NPAT: variants seen among roughly 807,000 people sequenced by gnomAD.
NPAT encodes nuclear protein, coactivator of histone transcription, also known as protein NPAT.
NPAT carries 52 observed loss-of-function variants against 130.7 expected under a neutral mutation model. The observed-to-expected ratio is 0.40, with a 90% CI of 0.32 to 0.50. NPAT has a LOEUF of 0.50. Among genes scored for constraint, NPAT ranks in the 20% least tolerant of loss-of-function variants. The pLI is 0.68. For synonymous variants in NPAT, 580 were observed against 584.8 expected (o/e 0.99, Z 0.12); for missense variants, 1,687 against 1,662.6 (o/e 1.01, Z -0.26).
At position 108,161,170 on chromosome 11, in the gene NPAT, C is replaced by A; in HGVS notation, c.3916G>T (p.Val1306Phe). 6.2e-7 allele frequency: 1 copy of A among 1,614,120 alleles called. No individual in the cohort carries two copies. Among genetic ancestry groups the A allele is most frequent in the Non-Finnish European group, 8.5e-7 (1 of 1,180,014 alleles). The change falls in exon 17 of 18, where the codon GTC (valine) becomes TTC (phenylalanine). Residue 1306 changes from valine to phenylalanine, a missense_variant. Physicochemically the swap from Val to Phe is conservative, Grantham distance 50. This residue lies in a region of NPAT where 1,379 missense variants were observed against 1,346.6 expected (regional missense o/e 1.02). Coordinates refer to ENST00000278612, the MANE Select transcript of NPAT (RefSeq NM_002519.3). Reference sequence around the variant, plus strand: ...GGCAAGTCTGGGGTGACAGGAGGGACCATTACTTTTGATGTACTACTGTCT... The same window carrying A: ...GGCAAGTCTGGGGTGACAGGAGGGAACATTACTTTTGATGTACTACTGTCT... ...SEDSSTSKVM[V>F]PPVTPDLPAC...
In NPAT at chr11:108,172,142, A is replaced by C; in HGVS notation, c.2785+57T>G. On this transcript the variant is annotated intron_variant, in intron 13 of 17. Coordinates refer to ENST00000278612, the MANE Select transcript of NPAT (RefSeq NM_002519.3). ...CTTCGCAGTCAATAACATCACATACAAAAGAAATTAGATCCCAACCCAGAG... is the reference window on the plus strand; with the variant it reads ...CTTCGCAGTCAATAACATCACATACCAAAGAAATTAGATCCCAACCCAGAG... The C allele has an allele frequency of 2.0e-6, 3 of 1,477,536 alleles. No individual in the cohort carries two copies. In the South Asian group the frequency reaches 3.4e-5, roughly 17 times the overall value. 91.5% of individuals were successfully genotyped at this position (1,477,536 alleles called of 1,614,324 possible). A position where few individuals can be genotyped will look rare whatever the true frequency, so the allele number is the denominator to read the frequency against.
At position 108,161,199 on chromosome 11, in the gene NPAT, C is replaced by G. The variant is rs184448909; in HGVS notation, c.3887G>C (p.Ser1296Thr). 224 of 1,614,132 alleles carry G rather than the reference C, an allele frequency of 1.4e-4. 1 individual carries two copies. In the African/African-American group the frequency reaches 2.4e-3, roughly 17 times the overall value. The change falls in exon 17 of 18, where the codon AGT becomes ACT. Residue 1296 changes from serine (S) to threonine (T), a missense_variant. Ser to Thr is a moderately conservative substitution (Grantham distance 58, BLOSUM62 1). This residue lies in a region of NPAT where 1,379 missense variants were observed against 1,346.6 expected (regional missense o/e 1.02). Coordinates refer to ENST00000278612, the MANE Select transcript of NPAT (RefSeq NM_002519.3). ...TACTTTTGATGTACTACTGTCTTCA[C>G]TGAAACGCCTACTAGAGGGGGCCTT... ...IIKAPSSRRF[S>T]EDSSTSKVMV...
chr11:108,198,284 G>A (rs921905536), intron 1 of NPAT, among the ~76,000 whole-genome samples: 2 of 152,224 alleles, frequency 1.3e-5, no homozygotes, highest in Non-Finnish European at 1.5e-5. Context: ...AATATTATGA[G>A]ATATGCAGAG....
chr11:108,163,358 G>C (rs1305296340), intron 15 of NPAT, among the ~76,000 whole-genome samples: 1 of 152,160 alleles, frequency 6.6e-6, no homozygotes, highest in Non-Finnish European at 1.5e-5. Context: ...TGGGATTACA[G>C]GAGTGAGCCA....
At chr11:108,218,096 T>C (rs1331298851) in intron 1 of NPAT, among the ~76,000 whole-genome samples, 1 of 152,222 alleles carries the variant, frequency 6.6e-6, no homozygotes, top group Non-Finnish European at 1.5e-5. Context: ...TATTACTGTT[T>C]TTTCCTTTTA....
intron 1 of NPAT, among the ~76,000 whole-genome samples, chr11:108,212,907 T>C (rs1329136376): frequency 7.0e-5 from 9 of 127,842 alleles, no homozygotes; most frequent in African/African-American, 6.2e-5. Flanking sequence ...GATGGTGCCA[T>C]TGCACTCCAG....
chr11:108,185,188 A>G (rs769101257), intron 10 of NPAT, 44 bp downstream of exon 10: 4 of 1,276,646 alleles, frequency 3.1e-6, no homozygotes, highest in Non-Finnish European at 3.4e-6. Flanking sequence ...AATCTTAAGT[A>G]TAAGTAACAC....
At position 108,185,323 on chromosome 11, in the gene NPAT, T is replaced by C. The variant is rs2078097188; in HGVS notation, c.819-4A>G. On this transcript the variant is annotated splice_region_variant and splice_polypyrimidine_tract_variant and intron_variant, in intron 9 of 17. Coordinates refer to ENST00000278612, the MANE Select transcript of NPAT (RefSeq NM_002519.3). The stretch of plus-strand genomic sequence containing the variant: ...TACTTGGGCAATATTGTTATCACTG[T>C]TAATAAAGAAAGAAAAATCTTTATT... 1 of 1,603,942 alleles carries C rather than the reference T, an allele frequency of 6.2e-7. No homozygotes were observed. The highest frequency in any genetic ancestry group is 8.5e-7 in the Non-Finnish European group (1 of 1,172,364).
In NPAT at chr11:108,169,785, T is replaced by A. The variant is rs373422788; in HGVS notation, c.2969A>T (p.Lys990Ile). Residue 990 changes from lysine (K) to isoleucine (I), a missense_variant, in exon 15 of 18, where the codon AAA (lysine) becomes ATA (isoleucine). By Grantham distance (102) the Lys-to-Ile change is moderately radical. This residue lies in a region of NPAT where 1,379 missense variants were observed against 1,346.6 expected (regional missense o/e 1.02). Coordinates refer to ENST00000278612, the MANE Select transcript of NPAT (RefSeq NM_002519.3). The stretch of plus-strand genomic sequence containing the variant: ...TCTTAGTCCCTGAGCCTTCTGAGAT[T>A]TTGGAGGGACGGGGAATTGAGGGAT... The part of the protein sequence containing the change: ...RSIPQFPVPP[K>I]SQKAQGLRNK... The A allele has an allele frequency of 5.3e-5, 85 of 1,613,846 alleles. 1 individual carries two copies. The highest frequency in any genetic ancestry group is 6.9e-5 in the Non-Finnish European group (82 of 1,179,872).
chr11:108,187,764 T>C (rs2078121746), intron 7 of NPAT, among the ~76,000 whole-genome samples: 2 of 151,880 alleles, frequency 1.3e-5, no homozygotes, highest in South Asian at 2.1e-4. Context: ...GTGTGGAGCA[T>C]AGAACATAAC....
At chr11:108,165,248 A>T (rs1005975066) in intron 15 of NPAT, among the ~76,000 whole-genome samples, 2 of 151,384 alleles carry the variant, frequency 1.3e-5, no homozygotes, top group South Asian at 4.2e-4. Context: ...CACTCTATCA[A>T]TTTTTTCCAT....
At chr11:108,205,853 G>A (rs1253255382) in intron 1 of NPAT, among the ~76,000 whole-genome samples, 1 of 152,026 alleles carries the variant, frequency 6.6e-6, no homozygotes, top group Non-Finnish European at 1.5e-5. Flanking sequence ...GACCAACCTG[G>A]CCAACACAGC....
intron 1 of NPAT, among the ~76,000 whole-genome samples, chr11:108,203,779 C>T (rs1373892631): frequency 6.6e-6 from 1 of 152,204 alleles, no homozygotes; most frequent in Non-Finnish European, 1.5e-5. Context: ...TAATTTCTTT[C>T]ACTAGGGTGA....
intron 12 of NPAT, 40 bp from the exon 13 acceptor site, chr11:108,173,891 G>C (rs377436620): frequency 1.3e-6 from 2 of 1,566,508 alleles, no homozygotes; most frequent in African/African-American, 2.7e-5. Flanking sequence ...TGGTAAATAT[G>C]TTCAGCTTCT....
At chr11:108,171,849 T>C (rs1711843367) in intron 13 of NPAT, 1 of 200,240 alleles carries the variant, frequency 5.0e-6, no homozygotes, top group Non-Finnish European at 1.0e-5. Context: ...CTGAAGACCA[T>C]GACTATAAGA....
intron 1 of NPAT, among the ~76,000 whole-genome samples, chr11:108,203,701 C>A (rs1250231867): frequency 1.3e-5 from 2 of 152,182 alleles, no homozygotes; most frequent in Non-Finnish European, 2.9e-5. Context: ...TCCTGAACCC[C>A]CAAGGGATTA....
Position 108,170,059 on chromosome 11 carries a change from T to C in NPAT, c.2786-16A>G. The C allele has an allele frequency of 1.3e-6, 2 of 1,536,810 alleles. No homozygotes were observed. Among genetic ancestry groups the C allele is most frequent in the Non-Finnish European group, 1.8e-6 (2 of 1,110,184 alleles). ...ATGGCAGATCCTAAAAAAACAATTC[T>C]TGTTAAAAAAAGATTTTCTCTGAAA... On this transcript the variant is annotated splice_polypyrimidine_tract_variant and intron_variant, in intron 13 of 17. Coordinates refer to ENST00000278612, the MANE Select transcript of NPAT (RefSeq NM_002519.3).
intron 15 of NPAT, among the ~76,000 whole-genome samples, chr11:108,165,248 A>G (rs1005975066): frequency 1.3e-5 from 2 of 151,386 alleles, no homozygotes; most frequent in Non-Finnish European, 2.9e-5. Context: ...CACTCTATCA[A>G]TTTTTTCCAT....
intron 1 of NPAT, among the ~76,000 whole-genome samples, chr11:108,220,797 A>G (rs1387742054): frequency 6.6e-6 from 1 of 152,196 alleles, no homozygotes; most frequent in Non-Finnish European, 1.5e-5. Context: ...CTTTCAGACT[A>G]AAAGGTATAG....
Sources: allele counts gnomAD v4.1 joint callset (sites outside exome capture counted in the v4.1 genomes callset), GRCh38; gene constraint gnomAD v4.1.1; regional missense constraint gnomAD v4.1.1; transcripts MANE v1.5; gene names NCBI Gene and HGNC (gene_info 2026-07-23, HGNC 2026-07-21).